PRORP: variants seen among roughly 807,000 people sequenced by gnomAD.
PRORP encodes protein only RNase P catalytic subunit.
PRORP carries 51 observed loss-of-function variants against 59.4 expected under a neutral mutation model. The observed-to-expected ratio is 0.86, with a 90% CI of 0.69 to 1.08. The LOEUF (loss-of-function observed/expected upper bound fraction) is 1.08. Among genes scored for constraint, PRORP ranks in the 50% least tolerant of loss-of-function variants. PRORP has a pLI of 0.00. For missense variants in PRORP, 646 were observed against 690.3 expected, an observed-to-expected ratio of 0.94 and a Z score of 0.72; for synonymous variants, 231 against 245.6, an observed-to-expected ratio of 0.94 and a Z score of 0.55.
chr14:35,147,193 A>T (rs1048661192), intron 4 of PRORP, among the ~76,000 whole-genome samples: 2 of 152,214 alleles, frequency 1.3e-5, no homozygotes, highest in Non-Finnish European at 2.9e-5. Flanking sequence ...ACCTTAATTT[A>T]AAAATACCTT....
chr14:35,259,402 G>T (rs547420251), intron 5 of PRORP, among the ~76,000 whole-genome samples: 5 of 151,864 alleles, frequency 3.3e-5, no homozygotes, highest in East Asian at 3.9e-4. Context: ...AATCCATTCT[G>T]CCAGCCTCTG....
At chr14:35,208,537 C>T (rs1399461209) in intron 5 of PRORP, among the ~76,000 whole-genome samples, 1 of 152,144 alleles carries the variant, frequency 6.6e-6, no homozygotes, top group African/African-American at 2.4e-5. Flanking sequence ...TTTATTTAAG[C>T]CAGCACATCC....
At chr14:35,248,550 TTCTC>T (rs1303915094) in intron 5 of PRORP, among the ~76,000 whole-genome samples, 1 of 152,248 alleles carries the variant, frequency 6.6e-6, no homozygotes, top group Non-Finnish European at 1.5e-5. Flanking sequence ...CATGATCTCT[TTCTC>T]TCTCTGCAAG....
At chr14:35,242,201 T>G (rs75111740) in intron 5 of PRORP, among the ~76,000 whole-genome samples, 9,267 of 152,304 alleles carry the variant, frequency 0.061, 369 homozygotes, top group Middle Eastern at 0.11. Flanking sequence ...TAAATATCCC[T>G]GCACCTCAAG....
chr14:35,124,723 T>A (rs1438961676), intron 2 of PRORP, among the ~76,000 whole-genome samples: 1 of 147,844 alleles, frequency 6.8e-6, no homozygotes, highest in Admixed American at 6.9e-5. Context: ...ATGTGAGTAC[T>A]TAATACTACT....
chr14:35,254,272 TGCAGAA>T (rs1184700501), intron 5 of PRORP, among the ~76,000 whole-genome samples: 3 of 152,198 alleles, frequency 2.0e-5, no homozygotes, highest in African/African-American at 7.2e-5. Context: ...CCTGAATTAC[TGCAGAA>T]GCCTCCTAAT....
At chr14:35,181,257 A>T (rs1484121502) in intron 5 of PRORP, among the ~76,000 whole-genome samples, 1 of 152,200 alleles carries the variant, frequency 6.6e-6, no homozygotes, top group Admixed American at 6.5e-5. Flanking sequence ...TTGTTAATTT[A>T]TAAATGCCCT....
At chr14:35,141,915 G>A (rs2138848925) in intron 4 of PRORP, among the ~76,000 whole-genome samples, 1 of 143,724 alleles carries the variant, frequency 7.0e-6, no homozygotes, top group African/African-American at 2.4e-5. Flanking sequence ...TGTTGCTGTT[G>A]TTGCCCAGGC....
At chr14:35,141,954 C>T (rs1461652827) in intron 4 of PRORP, among the ~76,000 whole-genome samples, 3 of 145,078 alleles carry the variant, frequency 2.1e-5, no homozygotes, top group African/African-American at 7.3e-5. Flanking sequence ...TTTCGGCTCA[C>T]TGCAACCTCT....
At position 35,124,149 on chromosome 14, in the gene PRORP, C is replaced by T; in HGVS notation, c.904C>T (p.Leu302=). ...IKDDNYSNKL[L]DILSYLRNNQ... is the part of the protein sequence containing the mutation. Reference sequence around the variant, plus strand: ...GGATGATAACTATTCAAATAAACTACTAGATATTCTTTCATATCTAAGAAA... The same window carrying T: ...GGATGATAACTATTCAAATAAACTATTAGATATTCTTTCATATCTAAGAAA... The change falls in exon 2 of 8, where the codon CTA becomes TTA. Residue 302 remains leucine (L), a synonymous_variant. Transcript: ENST00000534898. The T allele has an allele frequency of 1.2e-6, 2 of 1,604,536 alleles. No individual in the cohort carries two copies. The highest frequency in any genetic ancestry group is 1.7e-6 in the Non-Finnish European group (2 of 1,174,234).
At chr14:35,215,208 T>G (rs2049555206) in intron 5 of PRORP, among the ~76,000 whole-genome samples, 1 of 152,112 alleles carries the variant, frequency 6.6e-6, no homozygotes, top group Non-Finnish European at 1.5e-5. Context: ...CTCTAAAAAC[T>G]TAATGATTCA....
intron 5 of PRORP, chr14:35,262,620 C>A: frequency 1.4e-6 from 1 of 739,914 alleles, no homozygotes; most frequent in Non-Finnish European, 2.5e-6. Flanking sequence ...AGAAAAGAGG[C>A]TCCAGGTTGA....
intron 4 of PRORP, among the ~76,000 whole-genome samples, chr14:35,153,143 C>T (rs1369454739): frequency 1.3e-5 from 2 of 152,252 alleles, no homozygotes; most frequent in South Asian, 4.1e-4. Context: ...ATCCCGGCAC[C>T]TCGGGAGGCC....
intron 4 of PRORP, among the ~76,000 whole-genome samples, chr14:35,173,993 A>C (rs909586931): frequency 2.6e-5 from 4 of 152,098 alleles, no homozygotes; most frequent in African/African-American, 9.7e-5. Flanking sequence ...GGGCATTCTC[A>C]GGATGGCTGG....
chr14:35,214,856 G>A (rs539828467), intron 5 of PRORP, among the ~76,000 whole-genome samples: 5 of 152,288 alleles, frequency 3.3e-5, no homozygotes, highest in South Asian at 2.1e-4. Context: ...TCAGTGAGCC[G>A]AGATCGTGCC....
At chr14:35,241,680 G>A (rs536662843) in intron 5 of PRORP, among the ~76,000 whole-genome samples, 1 of 152,166 alleles carries the variant, frequency 6.6e-6, no homozygotes, top group African/African-American at 2.4e-5. Context: ...GATCCTGTGT[G>A]CCTTATGCAA....
intron 4 of PRORP, among the ~76,000 whole-genome samples, chr14:35,180,243 C>G (rs940607635): frequency 1.3e-5 from 2 of 152,138 alleles, no homozygotes; most frequent in African/African-American, 4.8e-5. Flanking sequence ...CTTCAAAGCT[C>G]AGTTGAAAGT....
intron 5 of PRORP, chr14:35,235,414 CT>C: frequency 1.5e-6 from 1 of 687,788 alleles, no homozygotes; most frequent in Non-Finnish European, 2.7e-6. Context: ...CCAGTCTTGC[CT>C]TCCCCTTGAT....
intron 4 of PRORP, among the ~76,000 whole-genome samples, chr14:35,159,852 G>T (rs1157578625): frequency 6.6e-6 from 1 of 152,202 alleles, no homozygotes; most frequent in East Asian, 1.9e-4. Flanking sequence ...AGTAACACTT[G>T]CTGTTTAACC....
Sources: gnomAD v4.1 joint callset for allele counts (sites outside exome capture counted in the v4.1 genomes callset) on GRCh38, gnomAD v4.1.1 for gene constraint, MANE v1.5 for transcripts, NCBI Gene and HGNC (gene_info 2026-07-23, HGNC 2026-07-21) for gene names.